CNTN5: variants seen among roughly 807,000 people sequenced by gnomAD.
CNTN5 encodes contactin-5.
CNTN5 carries 77 observed loss-of-function variants against 129.1 expected under a neutral mutation model. That is an observed-to-expected ratio of 0.60 (90% CI 0.50 to 0.72). CNTN5 has a LOEUF of 0.72. Among genes scored for constraint, CNTN5 ranks in the 30% least tolerant of loss-of-function variants. CNTN5 has a pLI of 0.00. For missense variants in CNTN5, 1,478 were observed against 1,328.8 expected, an observed-to-expected ratio of 1.11 and a Z score of -1.75; for synonymous variants, 509 against 465.6, an observed-to-expected ratio of 1.09 and a Z score of -1.20.
At chr11:99,419,787 C>A (rs2135047977) in intron 2 of CNTN5, among the ~76,000 whole-genome samples, 1 of 152,238 alleles carries the variant, frequency 6.6e-6, no homozygotes, top group East Asian at 1.9e-4. Flanking sequence ...CACAGTCTTT[C>A]TATTGTGGTA....
At position 99,233,102 on chromosome 11, in the gene CNTN5, A is replaced by G. The variant is rs146808782; in HGVS notation, c.-209-92244A>G. Reference sequence around the variant, plus strand: ...TTTGCTTACCTGTAGCGGGCCTTCAAGGCTTCTTTCCCTCAGGCTACATGG... The same window carrying G: ...TTTGCTTACCTGTAGCGGGCCTTCAGGGCTTCTTTCCCTCAGGCTACATGG... On this transcript the variant is annotated intron_variant, in intron 1 of 24. Coordinates refer to ENST00000524871, the MANE Select transcript of CNTN5 (RefSeq NM_014361.4). 1.7e-4 allele frequency among the ~76,000 whole-genome samples: 26 copies of G among 152,306 alleles called. No homozygotes were observed. The East Asian group carries it at 4.1e-3, about 24-fold the overall frequency.
chr11:99,662,238 T>C (rs1284308401), intron 3 of CNTN5, among the ~76,000 whole-genome samples: 1 of 152,184 alleles, frequency 6.6e-6, no homozygotes, highest in Non-Finnish European at 1.5e-5. Context: ...ACATTGTTAA[T>C]AATGACATAA....
chr11:99,132,479 T>G (rs989097921), intron 1 of CNTN5, among the ~76,000 whole-genome samples: 2 of 152,186 alleles, frequency 1.3e-5, no homozygotes, highest in African/African-American at 2.4e-5. Context: ...TGTTTGCAGA[T>G]GACATGATCC....
At chr11:99,364,812 A>C (rs371959311) in intron 2 of CNTN5, among the ~76,000 whole-genome samples, 1 of 152,244 alleles carries the variant, frequency 6.6e-6, no homozygotes, top group South Asian at 2.1e-4. Flanking sequence ...TAAGTGAGCC[A>C]TGTAGAAGGT....
chr11:99,419,544 AGT>A (rs1241873623), intron 2 of CNTN5, among the ~76,000 whole-genome samples: 1 of 152,172 alleles, frequency 6.6e-6, no homozygotes. Context: ...TAGGGCTGGA[AGT>A]GTTAAAAACA....
At chr11:99,576,354 G>A (rs1949350745) in intron 3 of CNTN5, among the ~76,000 whole-genome samples, 1 of 152,188 alleles carries the variant, frequency 6.6e-6, no homozygotes. Flanking sequence ...GGCAGGAGGT[G>A]TTTAAAGCAG....
At chr11:100,291,002 A>C (rs1306901433) in intron 18 of CNTN5, among the ~76,000 whole-genome samples, 35 of 151,174 alleles carry the variant, frequency 2.3e-4, no homozygotes, top group African/African-American at 8.2e-4. Context: ...AAAACACATG[A>C]AAAAATGCTC....
chr11:99,203,297 T>C (rs529934744), intron 1 of CNTN5, among the ~76,000 whole-genome samples: 2 of 152,270 alleles, frequency 1.3e-5, no homozygotes, highest in African/African-American at 4.8e-5. Flanking sequence ...ACAGAATCAT[T>C]TGAGCTTCAT....
At chr11:99,846,632 G>A (rs1947708244) in intron 6 of CNTN5, among the ~76,000 whole-genome samples, 2 of 151,880 alleles carry the variant, frequency 1.3e-5, no homozygotes, top group Non-Finnish European at 1.5e-5. Context: ...ATCATGAAAT[G>A]ATTTTTAAAT....
chr11:99,209,339 G>C lies in CNTN5; in HGVS notation c.-209-116007G>C, dbSNP rs538577028. 3.9e-5 allele frequency among the ~76,000 whole-genome samples: 6 copies of C among 152,270 alleles called. No individual in the cohort carries two copies. The South Asian group carries it at 1.2e-3, about 32-fold the overall frequency. On this transcript the variant is annotated intron_variant, in intron 1 of 24. Transcript: ENST00000524871. Reference sequence around the variant, plus strand: ...AGGCTGTACAGGAAGCTTGTTGCCAGCATCTGCTTCTGGAGGGGCCTCAGG... The same window carrying C: ...AGGCTGTACAGGAAGCTTGTTGCCACCATCTGCTTCTGGAGGGGCCTCAGG...
At chr11:99,573,199 C>A (rs554483810) in intron 3 of CNTN5, among the ~76,000 whole-genome samples, 52 of 151,716 alleles carry the variant, frequency 3.4e-4, no homozygotes, top group African/African-American at 1.2e-3. Context: ...TAAAATGGAC[C>A]TGATTACATA....
chr11:100,071,208 CTG>C (rs1187595525), intron 11 of CNTN5, among the ~76,000 whole-genome samples: 4 of 151,972 alleles, frequency 2.6e-5, no homozygotes, highest in African/African-American at 9.7e-5. Flanking sequence ...AGTTTTCTAT[CTG>C]TGTTAGTTTT....
intron 2 of CNTN5, among the ~76,000 whole-genome samples, chr11:99,458,944 C>T (rs755796405): frequency 1.3e-5 from 2 of 151,898 alleles, no homozygotes; most frequent in African/African-American, 2.4e-5. Flanking sequence ...AGACAGAGGG[C>T]GTTGAATAAT....
At chr11:99,902,818 G>T (rs1343587299) in intron 6 of CNTN5, among the ~76,000 whole-genome samples, 2 of 152,166 alleles carry the variant, frequency 1.3e-5, no homozygotes, top group East Asian at 3.9e-4. Context: ...CCTAAATGAA[G>T]ATCACAAATT....
At chr11:99,551,580 T>C (rs1948483691) in intron 2 of CNTN5, among the ~76,000 whole-genome samples, 1 of 152,186 alleles carries the variant, frequency 6.6e-6, no homozygotes, top group African/African-American at 2.4e-5. Context: ...GACTGAGCCA[T>C]ATTCTGAGAA....
intron 6 of CNTN5, among the ~76,000 whole-genome samples, chr11:99,850,792 C>T (rs534712250): frequency 1.2e-4 from 18 of 152,168 alleles, no homozygotes; most frequent in African/African-American, 4.3e-4. Context: ...GTAAAGGAAT[C>T]TAACAGAATC....
intron 8 of CNTN5, among the ~76,000 whole-genome samples, chr11:99,977,721 C>T (rs928663633): frequency 8.5e-5 from 13 of 152,130 alleles, no homozygotes; most frequent in Admixed American, 7.9e-4. Context: ...GATCTAGTTA[C>T]CTCTCATGAG....
intron 4 of CNTN5, among the ~76,000 whole-genome samples, chr11:99,834,964 A>C (rs1947256580): frequency 1.3e-5 from 2 of 152,208 alleles, no homozygotes; most frequent in Admixed American, 1.3e-4. Context: ...AAAGCTATCC[A>C]GAGTAATTCA....
chr11:100,008,157 T>A (rs1007261095), intron 9 of CNTN5, among the ~76,000 whole-genome samples: 3 of 152,004 alleles, frequency 2.0e-5, no homozygotes, highest in Non-Finnish European at 2.9e-5. Flanking sequence ...TAATCACAGA[T>A]CATTATAACA....
Sources: gnomAD v4.1 joint callset for allele counts (sites outside exome capture counted in the v4.1 genomes callset) on GRCh38, gnomAD v4.1.1 for gene constraint, MANE v1.5 for transcripts, NCBI Gene and HGNC (gene_info 2026-07-23, HGNC 2026-07-21) for gene names.